Variants in PCDHA11 observed in about 807,000 individuals in gnomAD.
The protein encoded by PCDHA11 is protocadherin alpha 11.
Under a neutral mutation model 70.3 loss-of-function variants are expected in PCDHA11, and 61 were observed. The ratio of observed to expected loss-of-function variants is 0.87; its 90% CI spans 0.71 to 1.07. PCDHA11 has a LOEUF of 1.07. Ranked by LOEUF, PCDHA11 falls within the 50% of genes least tolerant of loss-of-function variation. PCDHA11 has a pLI of 0.00. For missense variants in PCDHA11, 1,324 were observed against 1,237.5 expected, an observed-to-expected ratio of 1.07 and a Z score of -1.05; for synonymous variants, 633 against 555.1, an observed-to-expected ratio of 1.14 and a Z score of -1.97.
rs782134920 is a variant in PCDHA11, at chr5:140,869,400, C to G, written c.297C>G (p.Ser99Arg). 3 of 1,614,144 alleles carry G rather than the reference C, an allele frequency of 1.9e-6. No individual in the cohort carries two copies. The highest frequency in any genetic ancestry group is 3.3e-4 in the Middle Eastern group (2 of 6,062). Residue 99 changes from serine to arginine, a missense_variant, in exon 1 of 4, where the codon AGC becomes AGG. Coordinates refer to ENST00000398640, the MANE Select transcript of PCDHA11 (RefSeq NM_018902.5). Reference protein sequence around the residue: ...RIDREELCGQSAECSIHLEVI... With the variant: ...RIDREELCGQRAECSIHLEVI... ...ACCGCGAGGAGCTGTGCGGGCAGAG[C>G]GCGGAGTGCAGCATCCACCTGGAGG...
chr5:141,000,462 T>C (rs1554257607), intron 3 of PCDHA11, among the ~76,000 whole-genome samples: 1 of 139,384 alleles, frequency 7.2e-6, no homozygotes, highest in Non-Finnish European at 1.5e-5. Flanking sequence ...AGTTTTGCTC[T>C]TGTTGCCCAA....
intron 1 of PCDHA11, among the ~76,000 whole-genome samples, chr5:140,972,103 CA>C (rs1388508761): frequency 2.0e-5 from 3 of 152,104 alleles, no homozygotes; most frequent in Non-Finnish European, 4.4e-5. Context: ...GGCATAGAAG[CA>C]GGTAACAAAT....
intron 1 of PCDHA11, among the ~76,000 whole-genome samples, chr5:140,926,169 G>C (rs1212199081): frequency 6.6e-6 from 1 of 151,734 alleles, no homozygotes; most frequent in Non-Finnish European, 1.5e-5. Flanking sequence ...GCAGGATCCA[G>C]CGCGGAAAGC....
At chr5:140,988,294 G>A (rs2097291713) in intron 3 of PCDHA11, among the ~76,000 whole-genome samples, 1 of 152,206 alleles carries the variant, frequency 6.6e-6, no homozygotes, top group South Asian at 2.1e-4. Context: ...TGACAGCCCA[G>A]GAGTGCCAGC....
chr5:140,990,369 C>T (rs2097390541), intron 3 of PCDHA11, among the ~76,000 whole-genome samples: 1 of 152,054 alleles, frequency 6.6e-6, no homozygotes, highest in South Asian at 2.1e-4. Flanking sequence ...TCTAATAAAG[C>T]AAATTTGTTG....
intron 1 of PCDHA11, chr5:140,875,198 G>A: frequency 7.2e-6 from 4 of 552,228 alleles, no homozygotes; most frequent in Non-Finnish European, 1.1e-5. Flanking sequence ...GACCCAGGAA[G>A]TGGCTAAACC....
intron 1 of PCDHA11, among the ~76,000 whole-genome samples, chr5:140,964,690 A>G (rs1554227180): frequency 2.6e-5 from 4 of 152,036 alleles, no homozygotes. Context: ...TGTGCACTTG[A>G]GAGATTAAGG....
At chr5:140,907,712 T>A (rs1562961756) in intron 1 of PCDHA11, among the ~76,000 whole-genome samples, 1 of 152,198 alleles carries the variant, frequency 6.6e-6, no homozygotes, top group African/African-American at 2.4e-5. Context: ...GCTGAGCCCA[T>A]GTGTAACCTC....
chr5:140,968,150 A>C, intron 1 of PCDHA11: 1 of 1,614,180 alleles, frequency 6.2e-7, no homozygotes. Context: ...GATCTCTGAC[A>C]TCAATGACAA....
At chr5:140,895,904 C>T (rs956599707) in intron 1 of PCDHA11, among the ~76,000 whole-genome samples, 10 of 152,136 alleles carry the variant, frequency 6.6e-5, no homozygotes, top group South Asian at 2.1e-4. Flanking sequence ...CTCCGCGTCC[C>T]GGGCTCAACA....
chr5:140,949,050 T>C lies in PCDHA11; in HGVS notation c.2392-29899T>C, dbSNP rs561017467. 5.3e-5 allele frequency among the ~76,000 whole-genome samples: 8 copies of C among 151,896 alleles called. No homozygotes were observed. The East Asian group carries it at 1.5e-3, about 29-fold the overall frequency. On this transcript the variant is annotated intron_variant, in intron 1 of 3. Coordinates refer to ENST00000398640, the MANE Select transcript of PCDHA11 (RefSeq NM_018902.5). ...TATTCATTTAAAAGTATGTTCTAAT[T>C]TCCATTATGATTTAACTCTTTCACC...
intron 1 of PCDHA11, among the ~76,000 whole-genome samples, chr5:140,948,438 G>A (rs2094254732): frequency 6.6e-6 from 1 of 151,474 alleles, no homozygotes; most frequent in South Asian, 2.1e-4. Context: ...GAAACATTCT[G>A]TGCCAGGGAT....
chr5:140,871,582 GT>G, intron 1 of PCDHA11, 88 bp downstream of exon 1: 2 of 1,468,826 alleles, frequency 1.4e-6, no homozygotes, highest in Non-Finnish European at 1.8e-6. Flanking sequence ...TTAAGGGAAA[GT>G]TTTATGAATA....
Position 140,884,627 on chromosome 5 carries a change from G to C in PCDHA11, c.2391+13133G>C, listed in dbSNP as rs140550923. On this transcript the variant is annotated intron_variant, in intron 1 of 3. Transcript: ENST00000398640. ...TTGTCTGGGTTCTGCAGAGGGAACA[G>C]GCCAGAGGGAGGAGGACTCAGAATG... The C allele has an allele frequency of 4.8e-5, 77 of 1,612,780 alleles. No individual in the cohort carries two copies. In the African/African-American group the frequency reaches 8.8e-4, roughly 18 times the overall value.
chr5:140,989,528 G>A (rs1451731382), intron 3 of PCDHA11, among the ~76,000 whole-genome samples: 2 of 152,178 alleles, frequency 1.3e-5, no homozygotes, highest in African/African-American at 4.8e-5. Context: ...GGCAGAGGAG[G>A]AAGATAGTTT....
At chr5:140,887,284 G>T (rs1374515637) in intron 1 of PCDHA11, among the ~76,000 whole-genome samples, 1 of 152,044 alleles carries the variant, frequency 6.6e-6, no homozygotes, top group Non-Finnish European at 1.5e-5. Context: ...TTTTAGTAGA[G>T]ATGGGGTTTC....
At chr5:140,972,854 G>C (rs895738831) in intron 1 of PCDHA11, among the ~76,000 whole-genome samples, 1 of 151,946 alleles carries the variant, frequency 6.6e-6, no homozygotes, top group African/African-American at 2.4e-5. Context: ...AGTAGAGATG[G>C]GGTTTCATCA....
chr5:140,972,213 C>T (rs1312530794), intron 1 of PCDHA11, among the ~76,000 whole-genome samples: 3 of 151,932 alleles, frequency 2.0e-5, no homozygotes, highest in African/African-American at 7.3e-5. Flanking sequence ...GAATATGGCT[C>T]ACTGCAGCCT....
In PCDHA11 at chr5:141,009,814, A is replaced by C. The variant is rs781835321; in HGVS notation, c.2727A>C (p.Lys909Asn). Residue 909 changes from lysine to asparagine, a missense_variant, in exon 4 of 4, where the codon AAA (lysine) becomes AAC (asparagine). By Grantham distance (94) the Lys-to-Asn change is moderately conservative. Coordinates refer to ENST00000398640, the MANE Select transcript of PCDHA11 (RefSeq NM_018902.5). ...RQEPTNSQID[K>N]SDFITFGKKE... ...AGCCTACTAACAGCCAAATTGACAA[A>C]AGTGACTTCATAACCTTCGGCAAAA... The C allele has an allele frequency of 6.2e-7, 1 of 1,614,124 alleles. No individual in the cohort carries two copies. The highest frequency in any genetic ancestry group is 8.5e-7 in the Non-Finnish European group (1 of 1,180,010).
Sources: gnomAD v4.1 joint callset for allele counts (sites outside exome capture counted in the v4.1 genomes callset) on GRCh38, gnomAD v4.1.1 for gene constraint, MANE v1.5 for transcripts, NCBI Gene and HGNC (gene_info 2026-07-23, HGNC 2026-07-21) for gene names.